The following SUCLA2 variants were observed in gnomAD, a reference collection of about 807,000 sequenced individuals.
SUCLA2 encodes succinate--CoA ligase [ADP-forming] subunit beta, mitochondrial.
A neutral mutation model predicts 54.8 loss-of-function variants in SUCLA2; 30 were observed. The observed-to-expected ratio is 0.55, with a 90% CI of 0.41 to 0.74. The LOEUF (loss-of-function observed/expected upper bound fraction) is 0.74, where lower values mean the gene tolerates loss of function less well. SUCLA2 is among the 30% of genes least tolerant of loss of function. The probability of loss-of-function intolerance (pLI) is 0.00; values close to 1 mark genes in which losing one functional copy is unlikely to be tolerated. For synonymous variants in SUCLA2, 172 were observed against 188.9 expected, an observed-to-expected ratio of 0.91 and a Z score of 0.74; for missense variants, 476 against 562.9, an observed-to-expected ratio of 0.85 and a Z score of 1.56.
chr13:47,967,004 A>G (rs1047229819), intron 6 of SUCLA2, among the ~76,000 whole-genome samples: 3 of 152,154 alleles, frequency 2.0e-5, no homozygotes, highest in African/African-American at 7.2e-5. Context: ...TGGGCAACAA[A>G]GCAAGACCGT....
chr13:47,974,468 TC>T (rs1480484795), intron 4 of SUCLA2, among the ~76,000 whole-genome samples: 1 of 152,104 alleles, frequency 6.6e-6, no homozygotes, highest in Non-Finnish European at 1.5e-5. Context: ...GCCCCTTTAG[TC>T]CCAGCTACAC....
chr13:47,965,504 A>C (rs199796100), intron 6 of SUCLA2: 5,284 of 388,058 alleles, frequency 0.014, 177 homozygotes, highest in African/African-American at 0.085. Flanking sequence ...TAAAAAAAAA[A>C]AAACAAACAA....
At chr13:47,950,414 C>T (rs890666493) in intron 8 of SUCLA2, among the ~76,000 whole-genome samples, 2 of 152,162 alleles carry the variant, frequency 1.3e-5, no homozygotes, top group Middle Eastern at 3.2e-3. Flanking sequence ...TCTCTGGCCT[C>T]TCAGATCCCC....
intron 8 of SUCLA2, among the ~76,000 whole-genome samples, chr13:47,952,241 C>A (rs79335589): frequency 6.6e-6 from 1 of 152,102 alleles, no homozygotes; most frequent in Admixed American, 6.6e-5. Context: ...CACTCTCTCC[C>A]GATCTGTTCT....
chr13:47,947,306 A>C (rs1259996433), intron 10 of SUCLA2, among the ~76,000 whole-genome samples: 2 of 149,982 alleles, frequency 1.3e-5, no homozygotes, highest in Non-Finnish European at 3.0e-5. Flanking sequence ...CACACCTGAA[A>C]ACAAAAAGTA....
At chr13:47,990,882 G>A (rs906195025) in intron 2 of SUCLA2, among the ~76,000 whole-genome samples, 1 of 152,150 alleles carries the variant, frequency 6.6e-6, no homozygotes, top group Non-Finnish European at 1.5e-5. Flanking sequence ...AGAACATTTA[G>A]AAAATTACTG....
At chr13:47,978,517 A>G (rs1049226440) in intron 4 of SUCLA2, among the ~76,000 whole-genome samples, 3 of 152,248 alleles carry the variant, frequency 2.0e-5, no homozygotes, top group Non-Finnish European at 2.9e-5. Context: ...AATTAACTCA[A>G]GATGGATTAA....
chr13:47,962,235 T>C (rs1228333692), intron 6 of SUCLA2, among the ~76,000 whole-genome samples: 2 of 152,224 alleles, frequency 1.3e-5, no homozygotes, highest in Non-Finnish European at 2.9e-5. Flanking sequence ...CTTTAATAAG[T>C]AGAATTTGAG....
At chr13:47,987,232 A>G (rs987951247) in intron 4 of SUCLA2, among the ~76,000 whole-genome samples, 1 of 152,198 alleles carries the variant, frequency 6.6e-6, no homozygotes, top group African/African-American at 2.4e-5. Flanking sequence ...ATACATATTC[A>G]GTATCCTACC....
chr13:47,988,416 T>A, intron 4 of SUCLA2, 125 bp downstream of exon 4: 1 of 1,089,206 alleles, frequency 9.2e-7, no homozygotes, highest in Non-Finnish European at 1.3e-6. Flanking sequence ...ATCATGCTCA[T>A]GACATACAAA....
intron 4 of SUCLA2, among the ~76,000 whole-genome samples, chr13:47,986,404 G>A (rs2137740080): frequency 6.6e-6 from 1 of 152,078 alleles, no homozygotes; most frequent in South Asian, 2.1e-4. Context: ...TTTTTTTCTT[G>A]AAAATTTGTT....
intron 1 of SUCLA2, among the ~76,000 whole-genome samples, chr13:47,997,505 T>A (rs1432228341): frequency 6.6e-6 from 1 of 152,200 alleles, no homozygotes; most frequent in Non-Finnish European, 1.5e-5. Flanking sequence ...GATGTTGCAG[T>A]ATGCTGCCCA....
Position 47,988,892 on chromosome 13 carries a change from TCTTCACTC to T in SUCLA2, c.353_360del (p.Gly118AspfsTer39). 1 of 1,612,592 alleles carries T rather than the reference TCTTCACTC, an allele frequency of 6.2e-7. No individual in the cohort carries two copies. The highest frequency in any genetic ancestry group is 8.5e-7 in the Non-Finnish European group (1 of 1,179,930). On this transcript the variant is annotated frameshift_variant, in exon 3 of 11. Coordinates refer to ENST00000646932, the MANE Select transcript of SUCLA2 (RefSeq NM_003850.3). LOFTEE classifies it high-confidence loss of function. ...AAAAATGTGACTTACGAGAAAACTATCTTCACTCCTCCTTTGAGGCCACTTTCAAATGT... is the reference window on the plus strand; with the variant it reads ...AAAAATGTGACTTACGAGAAAACTATCTCCTTTGAGGCCACTTTCAAATGT...
chr13:47,946,914 T>C (rs1949736703), intron 10 of SUCLA2, among the ~76,000 whole-genome samples: 1 of 152,172 alleles, frequency 6.6e-6, no homozygotes, highest in Non-Finnish European at 1.5e-5. Context: ...ACTCAAGTAT[T>C]ACCTCTTTAA....
chr13:47,971,240 T>C (rs193126729), intron 5 of SUCLA2, among the ~76,000 whole-genome samples: 35 of 152,132 alleles, frequency 2.3e-4, no homozygotes, highest in African/African-American at 8.4e-4. Flanking sequence ...GGTGAAACCC[T>C]GTCTCTACTA....
chr13:47,996,957 G>C lies in SUCLA2; in HGVS notation c.157C>G (p.Leu53Val). 3 of 1,614,092 alleles carry C rather than the reference G, an allele frequency of 1.9e-6. No homozygotes were observed. The highest frequency in any genetic ancestry group is 2.5e-6 in the Non-Finnish European group (3 of 1,180,004). The change falls in exon 2 of 11, where the codon CTC (leucine) becomes GTC (valine). Residue 53 changes from leucine to valine, a missense_variant. This residue lies in a region of SUCLA2 where 134 missense variants were observed against 118.7 expected (regional missense o/e 1.13). Transcript: ENST00000646932. ...LQVQQQQQRN[L>V]SLHEYMSMEL... Reference sequence around the variant, plus strand: ...ATACTCATGTATTCATGTAGTGAGAGATTCCTTTGCTGTTGCTGCTGTACT... The same window carrying C: ...ATACTCATGTATTCATGTAGTGAGACATTCCTTTGCTGTTGCTGCTGTACT...
intron 6 of SUCLA2, among the ~76,000 whole-genome samples, chr13:47,963,812 A>G (rs1043124914): frequency 2.0e-5 from 3 of 152,234 alleles, no homozygotes; most frequent in Non-Finnish European, 4.4e-5. Context: ...TAGTATGTCT[A>G]TCTTGGTACC....
At chr13:47,997,946 A>G (rs1484911985) in intron 1 of SUCLA2, among the ~76,000 whole-genome samples, 1 of 152,198 alleles carries the variant, frequency 6.6e-6, no homozygotes, top group Non-Finnish European at 1.5e-5. Context: ...TGCATTCATA[A>G]CAAGTCACTC....
intron 6 of SUCLA2, among the ~76,000 whole-genome samples, chr13:47,966,515 T>C (rs1423639088): frequency 2.0e-5 from 2 of 99,906 alleles, no homozygotes; most frequent in African/African-American, 3.5e-5. Flanking sequence ...GCAAAAGTAA[T>C]TGCCGTTTTT....
Sources: allele counts gnomAD v4.1 joint callset (sites outside exome capture counted in the v4.1 genomes callset), GRCh38; gene constraint gnomAD v4.1.1; regional missense constraint gnomAD v4.1.1; transcripts MANE v1.5; gene names NCBI Gene and HGNC (gene_info 2026-07-23, HGNC 2026-07-21).